Variants in CALCR observed in about 807,000 individuals in gnomAD.
CALCR encodes calcitonin receptor.
CALCR carries 47 observed loss-of-function variants against 59.5 expected under a neutral mutation model. That is an observed-to-expected ratio of 0.79 (90% CI 0.63 to 1.01). The LOEUF (loss-of-function observed/expected upper bound fraction) is 1.01. CALCR is among the 50% of genes least tolerant of loss of function. CALCR has a pLI of 0.00. For synonymous variants in CALCR, 213 were observed against 211.3 expected, an observed-to-expected ratio of 1.01 and a Z score of -0.07; for missense variants, 566 against 597.1, an observed-to-expected ratio of 0.95 and a Z score of 0.54.
intron 8 of CALCR, among the ~76,000 whole-genome samples, chr7:93,459,232 G>C (rs1257409968): frequency 6.6e-6 from 1 of 152,092 alleles, no homozygotes; most frequent in East Asian, 1.9e-4. Flanking sequence ...AACCAGTTTG[G>C]TGTTACTAAG....
chr7:93,536,815 G>T (rs909909478), intron 2 of CALCR, among the ~76,000 whole-genome samples: 1 of 151,638 alleles, frequency 6.6e-6, no homozygotes, highest in East Asian at 1.9e-4. Flanking sequence ...ATTAGTGGTG[G>T]AACTTAAGTA....
chr7:93,490,129 G>A (rs1479658255), intron 2 of CALCR, among the ~76,000 whole-genome samples: 18 of 151,658 alleles, frequency 1.2e-4, no homozygotes, highest in South Asian at 4.2e-4. Context: ...AATGTAATCC[G>A]TCACATAAAC....
intron 2 of CALCR, among the ~76,000 whole-genome samples, chr7:93,569,274 A>AC (rs1039797302): frequency 6.6e-6 from 1 of 150,684 alleles, no homozygotes; most frequent in African/African-American, 2.4e-5. Context: ...TCCTTCAAGG[A>AC]CCCCCCACTA....
chr7:93,466,625 T>A (rs867746797), intron 7 of CALCR, among the ~76,000 whole-genome samples: 16 of 151,890 alleles, frequency 1.1e-4, no homozygotes, highest in African/African-American at 3.9e-4. Context: ...CTTCTCATTA[T>A]TAGGCTCAGA....
At chr7:93,497,884 C>T (rs891610177) in intron 2 of CALCR, among the ~76,000 whole-genome samples, 1 of 151,594 alleles carries the variant, frequency 6.6e-6, no homozygotes, top group Non-Finnish European at 1.5e-5. Flanking sequence ...CAAAAGCCCA[C>T]AGTCCAGAAA....
At chr7:93,449,461 T>G (rs1800066493) in intron 8 of CALCR, among the ~76,000 whole-genome samples, 6 of 152,006 alleles carry the variant, frequency 3.9e-5, no homozygotes, top group Admixed American at 3.9e-4. Context: ...TAATTGCTGT[T>G]AAATATGTTT....
At position 93,557,665 on chromosome 7, in the gene CALCR, A is replaced by C. The variant is rs1789643221; in HGVS notation, c.-27+16624T>G. On this transcript the variant is annotated intron_variant, in intron 2 of 13. Coordinates refer to ENST00000426151, the MANE Select transcript of CALCR (RefSeq NM_001742.4). Reference sequence around the variant, plus strand: ...TTTTGGGTTTTGTGTTATGTTTATGATTATAACACCTAGATTATAACAAAT... The same window carrying C: ...TTTTGGGTTTTGTGTTATGTTTATGCTTATAACACCTAGATTATAACAAAT... 2.0e-5 allele frequency among the ~76,000 whole-genome samples: 3 copies of C among 151,866 alleles called. No homozygotes were observed. The South Asian group carries it at 6.2e-4, about 32-fold the overall frequency.
At chr7:93,535,463 G>A (rs975746792) in intron 2 of CALCR, among the ~76,000 whole-genome samples, 3 of 151,608 alleles carry the variant, frequency 2.0e-5, no homozygotes, top group African/African-American at 7.3e-5. Flanking sequence ...CACCTTTCAC[G>A]AGTAAGTATG....
At chr7:93,462,182 T>C (rs1800351624) in intron 7 of CALCR, 6 of 793,450 alleles carry the variant, frequency 7.6e-6, no homozygotes, top group East Asian at 2.8e-5. Context: ...GTTACAGTTT[T>C]CAACTTTTCG....
At chr7:93,504,122 C>T (rs541056252) in intron 2 of CALCR, among the ~76,000 whole-genome samples, 2 of 152,080 alleles carry the variant, frequency 1.3e-5, no homozygotes, top group Non-Finnish European at 2.9e-5. Context: ...CATAATAGAC[C>T]CATAAGTACA....
At chr7:93,536,461 A>G (rs1328361057) in intron 2 of CALCR, among the ~76,000 whole-genome samples, 1 of 151,872 alleles carries the variant, frequency 6.6e-6, no homozygotes, top group Non-Finnish European at 1.5e-5. Flanking sequence ...TTATATAAAG[A>G]GTAAAACCTC....
intron 2 of CALCR, among the ~76,000 whole-genome samples, chr7:93,523,709 C>T (rs1362204674): frequency 6.6e-6 from 1 of 151,968 alleles, no homozygotes; most frequent in Non-Finnish European, 1.5e-5. Flanking sequence ...CCTTGGATTG[C>T]TTTTTTAAGT....
intron 2 of CALCR, among the ~76,000 whole-genome samples, chr7:93,532,478 A>G (rs181138857): frequency 3.3e-5 from 5 of 152,124 alleles, no homozygotes; most frequent in Middle Eastern, 3.4e-3. Context: ...AAAGACCCCA[A>G]CCAGCAGGGA....
chr7:93,550,347 C>CTGGGTGCTA (rs1789414000), intron 2 of CALCR, among the ~76,000 whole-genome samples: 1 of 151,376 alleles, frequency 6.6e-6, no homozygotes, highest in Admixed American at 6.6e-5. Flanking sequence ...AAAAATTAGC[C>CTGGGTGCTA]GGGCCTGGTG....
chr7:93,441,445 A>G, intron 9 of CALCR: 1 of 441,038 alleles, frequency 2.3e-6, no homozygotes, highest in South Asian at 1.6e-5. Flanking sequence ...TATCCAGTCT[A>G]TTCTTAGCAT....
Position 93,468,823 on chromosome 7 carries a change from T to TAAACAAACACAC in CALCR, c.430-18_430-17insGTGTGTTTGTTT. 8.3e-7 allele frequency: 1 copy of TAAACAAACACAC among 1,209,054 alleles called. No individual in the cohort carries two copies. The highest frequency in any genetic ancestry group is 1.2e-6 in the Non-Finnish European group (1 of 836,138). The allele number at this position is 1,209,054 out of a possible 1,614,324, so 74.9% of individuals were successfully genotyped here. ...ATATGCATTCTGGAACAACAAAAAG[T>TAAACAAACACAC]AAACAAACAAACAATGAATGAATGA... On this transcript the variant is annotated splice_polypyrimidine_tract_variant and intron_variant, in intron 6 of 13. Coordinates refer to ENST00000426151, the MANE Select transcript of CALCR (RefSeq NM_001742.4).
At chr7:93,469,148 G>A (rs1800500909) in intron 6 of CALCR, among the ~76,000 whole-genome samples, 2 of 151,692 alleles carry the variant, frequency 1.3e-5, no homozygotes, top group South Asian at 4.2e-4. Context: ...TTTAGACAGT[G>A]GATACATAAT....
At chr7:93,542,295 G>C (rs1350235662) in intron 2 of CALCR, among the ~76,000 whole-genome samples, 2 of 152,106 alleles carry the variant, frequency 1.3e-5, no homozygotes, top group Admixed American at 6.6e-5. Flanking sequence ...ACTGTAATGG[G>C]TACTGTAGAC....
intron 2 of CALCR, among the ~76,000 whole-genome samples, chr7:93,495,011 A>G (rs1801168155): frequency 6.6e-6 from 1 of 151,394 alleles, no homozygotes; most frequent in Admixed American, 6.6e-5. Context: ...TGATTAGTGT[A>G]GGATTTAAAA....
Sources: gnomAD v4.1 joint callset for allele counts (sites outside exome capture counted in the v4.1 genomes callset) on GRCh38, gnomAD v4.1.1 for gene constraint, MANE v1.5 for transcripts, NCBI Gene and HGNC (gene_info 2026-07-23, HGNC 2026-07-21) for gene names.